The following B3GALT1 variants were observed in gnomAD, a reference collection of about 807,000 sequenced individuals.
B3GALT1 encodes UDP-Gal:betaGlcNAc beta 1,3-galactosyltransferase, polypeptide 1.
B3GALT1 carries 10 observed loss-of-function variants against 23.2 expected under a neutral mutation model. That is an observed-to-expected ratio of 0.43 (90% confidence interval 0.27 to 0.73). The LOEUF (loss-of-function observed/expected upper bound fraction) is 0.73, where lower values mean the gene tolerates loss of function less well. Ranked by LOEUF, B3GALT1 falls within the 30% of genes least tolerant of loss-of-function variation. The pLI is 0.21. For missense variants in B3GALT1, 299 were observed against 405.4 expected (o/e 0.74, Z 2.25); for synonymous variants, 156 against 141.5 (o/e 1.10, Z -0.73).
At chr2:167,571,474 G>A (rs1487233552) in intron 2 of B3GALT1, among the ~76,000 whole-genome samples, 8 of 151,786 alleles carry the variant, frequency 5.3e-5, no homozygotes, top group Admixed American at 5.3e-4. Context: ...CTAATCGAAG[G>A]GCAGCATGTA....
chr2:167,597,282 A>AT (rs1179643051), intron 2 of B3GALT1, among the ~76,000 whole-genome samples: 2 of 151,718 alleles, frequency 1.3e-5, no homozygotes, highest in East Asian at 1.9e-4. Flanking sequence ...TGCCCGGCTA[A>AT]TTTTTTGTGT....
Position 167,716,277 on chromosome 2 carries a change from C to T in B3GALT1, c.-352+69311C>T, listed in dbSNP as rs1027580389. On this transcript the variant is annotated intron_variant, in intron 3 of 4. Coordinates refer to ENST00000392690, the MANE Select transcript of B3GALT1 (RefSeq NM_020981.4). ...GCCCCCCGCACCCTCCCTCGGCCCC[C>T]CTGTTACACTTTACATCCTGAGGCA... Among the ~76,000 whole-genome samples the T allele has an allele frequency of 2.6e-5, 4 of 152,338 alleles. No individual in the cohort carries two copies. In the East Asian group the frequency reaches 5.8e-4, roughly 22 times the overall value.
chr2:167,389,681 G>A (rs1195787205), intron 1 of B3GALT1, among the ~76,000 whole-genome samples: 4 of 152,090 alleles, frequency 2.6e-5, no homozygotes, highest in Non-Finnish European at 5.9e-5. Context: ...GAGGACCCTA[G>A]TCAGAGGCCC....
intron 1 of B3GALT1, among the ~76,000 whole-genome samples, chr2:167,446,513 G>C (rs530684207): frequency 6.6e-6 from 1 of 152,288 alleles, no homozygotes; most frequent in South Asian, 2.1e-4. Context: ...GTCAGACATA[G>C]ATTTGGTCTT....
At chr2:167,526,631 T>A (rs998586668) in intron 2 of B3GALT1, among the ~76,000 whole-genome samples, 3 of 152,216 alleles carry the variant, frequency 2.0e-5, no homozygotes, top group African/African-American at 7.2e-5. Context: ...TGCACACCTG[T>A]CTCATAGGCA....
At chr2:167,361,331 CAT>C (rs1051708772) in intron 1 of B3GALT1, among the ~76,000 whole-genome samples, 3 of 150,558 alleles carry the variant, frequency 2.0e-5, no homozygotes, top group Non-Finnish European at 4.4e-5. Flanking sequence ...GGAGGTGTCA[CAT>C]GTGATGGGGA....
At position 167,351,955 on chromosome 2, in the gene B3GALT1, ATTTTTTTTTTT is replaced by A. The variant is rs71031283; in HGVS notation, c.-511+58634_-511+58644del. ...CTGTGAAAGGAGAAGGCTGTTTTTG[ATTTTTTTTTTT>A]TTTTTTTTTTTTGAGTCAGAGTCTT... is the stretch of plus-strand genomic sequence containing the variant. On this transcript the variant is annotated intron_variant, in intron 1 of 4. Coordinates refer to ENST00000392690, the MANE Select transcript of B3GALT1 (RefSeq NM_020981.4). Among the ~76,000 whole-genome samples, 217 of 134,176 alleles carry A rather than the reference ATTTTTTTTTTT, an allele frequency of 1.6e-3. 1 individual carries two copies. Among genetic ancestry groups the A allele is most frequent in the South Asian group, 0.012 (50 of 4,222 alleles). 88.0% of individuals were successfully genotyped at this position (134,176 alleles called of 152,430 possible).
intron 1 of B3GALT1, among the ~76,000 whole-genome samples, chr2:167,389,944 AAAG>A (rs1056880503): frequency 2.0e-5 from 3 of 150,726 alleles, no homozygotes; most frequent in Admixed American, 6.6e-5. Context: ...AAAAGAAAGA[AAAG>A]AAAACCATCG....
intron 2 of B3GALT1, among the ~76,000 whole-genome samples, chr2:167,641,154 A>G (rs1685646545): frequency 6.6e-6 from 1 of 152,216 alleles, no homozygotes; most frequent in Admixed American, 6.5e-5. Context: ...TTCAGCAGGA[A>G]AGACAGTTAT....
At chr2:167,400,789 T>C (rs1178089265) in intron 1 of B3GALT1, among the ~76,000 whole-genome samples, 2 of 152,124 alleles carry the variant, frequency 1.3e-5, no homozygotes, top group African/African-American at 4.8e-5. Context: ...AATAGCTTAA[T>C]TGGGTGAATA....
chr2:167,646,606 T>C (rs1574188317), intron 2 of B3GALT1, among the ~76,000 whole-genome samples: 1 of 152,310 alleles, frequency 6.6e-6, no homozygotes. Context: ...ATCAGATACT[T>C]GTAAAAATGC....
chr2:167,731,716 T>G (rs1687413452), intron 3 of B3GALT1, among the ~76,000 whole-genome samples: 1 of 152,198 alleles, frequency 6.6e-6, no homozygotes. Context: ...CATGGCATAA[T>G]TTAAAATTAA....
At chr2:167,718,384 A>G (rs1329389563) in intron 3 of B3GALT1, among the ~76,000 whole-genome samples, 1 of 152,192 alleles carries the variant, frequency 6.6e-6, no homozygotes, top group Non-Finnish European at 1.5e-5. Context: ...TAAATATGTT[A>G]GTGTCATTCT....
intron 3 of B3GALT1, among the ~76,000 whole-genome samples, chr2:167,730,534 C>G (rs944250596): frequency 6.6e-6 from 1 of 152,126 alleles, no homozygotes; most frequent in East Asian, 1.9e-4. Context: ...GAGACAGGCT[C>G]AAAGATATTA....
intron 3 of B3GALT1, among the ~76,000 whole-genome samples, chr2:167,725,569 G>T (rs1401232746): frequency 6.6e-6 from 1 of 152,136 alleles, no homozygotes; most frequent in Non-Finnish European, 1.5e-5. Flanking sequence ...AAGCTAAGAA[G>T]GGCTAAAATA....
chr2:167,528,855 G>A (rs1428849596), intron 2 of B3GALT1, among the ~76,000 whole-genome samples: 1 of 152,064 alleles, frequency 6.6e-6, no homozygotes, highest in Non-Finnish European at 1.5e-5. Flanking sequence ...ATTCCTAGGA[G>A]GTCTCCTGTT....
At chr2:167,603,824 C>T (rs187291869) in intron 2 of B3GALT1, among the ~76,000 whole-genome samples, 3 of 151,864 alleles carry the variant, frequency 2.0e-5, no homozygotes, top group South Asian at 2.1e-4. Context: ...TGCAGGCAGC[C>T]GAGAAACACA....
At chr2:167,393,926 T>A (rs928003220) in intron 1 of B3GALT1, among the ~76,000 whole-genome samples, 9 of 152,180 alleles carry the variant, frequency 5.9e-5, no homozygotes, top group Non-Finnish European at 8.8e-5. Context: ...ACAATTTAAT[T>A]TTTACAATGT....
At chr2:167,696,381 C>T (rs537962080) in intron 3 of B3GALT1, among the ~76,000 whole-genome samples, 1 of 150,076 alleles carries the variant, frequency 6.7e-6, no homozygotes, top group South Asian at 2.1e-4. Flanking sequence ...CTGTATCTGA[C>T]ATGTAGTAGG....
Sources: allele counts gnomAD v4.1 joint callset (sites outside exome capture counted in the v4.1 genomes callset), GRCh38; gene constraint gnomAD v4.1.1; transcripts MANE v1.5; gene names NCBI Gene and HGNC (gene_info 2026-07-23, HGNC 2026-07-21).